The following ITGA11 variants were observed in gnomAD, a reference collection of about 807,000 sequenced individuals.
ITGA11 encodes the protein integrin alpha-11.
ITGA11 carries 97 observed loss-of-function variants against 141.9 expected under a neutral mutation model. The observed-to-expected ratio is 0.68, with a 90% CI of 0.58 to 0.81. ITGA11 has a LOEUF of 0.81. ITGA11 is among the 30% of genes least tolerant of loss of function. The pLI is 0.00. For synonymous variants in ITGA11, 658 were observed against 624.6 expected (o/e 1.05, Z -0.80); for missense variants, 1,387 against 1,559.2 (o/e 0.89, Z 1.86).
intron 2 of ITGA11, 63 bp downstream of exon 2, chr15:68,402,855 A>C: frequency 8.9e-7 from 1 of 1,124,554 alleles, no homozygotes. Context: ...GCACAGGGGC[A>C]GGATGGAGGG....
At chr15:68,405,568 A>G (rs1460022044) in intron 1 of ITGA11, among the ~76,000 whole-genome samples, 1 of 152,180 alleles carries the variant, frequency 6.6e-6, no homozygotes, top group Non-Finnish European at 1.5e-5. Flanking sequence ...CCCATGCCAT[A>G]AATGAACTTA....
chr15:68,402,613 C>T (rs376393132), intron 2 of ITGA11, among the ~76,000 whole-genome samples: 42 of 152,254 alleles, frequency 2.8e-4, no homozygotes, highest in African/African-American at 8.4e-4. Context: ...TAGACATGAC[C>T]AGGGGCTAAC....
intron 8 of ITGA11, among the ~76,000 whole-genome samples, chr15:68,350,987 G>A (rs1233099341): frequency 1.3e-5 from 2 of 152,326 alleles, no homozygotes; most frequent in East Asian, 3.9e-4. Context: ...GGGTCTGGGA[G>A]CTGGGAGGTT....
intron 1 of ITGA11, among the ~76,000 whole-genome samples, chr15:68,429,552 T>C (rs1392069032): frequency 6.6e-6 from 1 of 152,116 alleles, no homozygotes; most frequent in African/African-American, 2.4e-5. Context: ...TGCTCTGAGG[T>C]CTCACCCTCA....
Position 68,361,930 on chromosome 15 carries a change from C to T in ITGA11, c.358-226G>A, listed in dbSNP as rs148073016. ...TGGAGAAAAACTGATCTTGGAGTCT[C>T]TTTCATTGTTTTTTCAAGGCCCTGT... On this transcript the variant is annotated intron_variant, in intron 4 of 29. Transcript: ENST00000315757. 2.3e-3 allele frequency: 1,082 copies of T among 473,092 alleles called. 4 individuals carry two copies. Among genetic ancestry groups the T allele is most frequent in the Admixed American group, 4.0e-3 (110 of 27,642 alleles). The allele number at this position is 473,092 out of a possible 1,614,324, so 29.3% of individuals were successfully genotyped here.
rs1893045960 is a variant in ITGA11, at chr15:68,302,055, A to AGAGTGTGTGTGTGTGTGT, written c.*1003_*1004insACACACACACACACACTC. ...CGGGCATGAGGGAAGGATGGGAGGC[A>AGAGTGTGTGTGTGTGTGT]GTGTGTGTGTGTGTGTGTGTGTGTG... On this transcript the variant is annotated 3_prime_UTR_variant, in exon 30 of 30. Coordinates refer to ENST00000315757, the MANE Select transcript of ITGA11 (RefSeq NM_001004439.2). 1.9e-5 allele frequency: 2 copies of AGAGTGTGTGTGTGTGTGT among 103,808 alleles called. No homozygotes were observed. The highest frequency in any genetic ancestry group is 7.3e-5 in the African/African-American group (2 of 27,402). The allele number at this position is 103,808 out of a possible 1,614,324, so 6.4% of individuals were successfully genotyped here.
intron 10 of ITGA11, among the ~76,000 whole-genome samples, chr15:68,346,119 TG>T (rs1016390443): frequency 6.6e-6 from 1 of 151,762 alleles, no homozygotes; most frequent in Middle Eastern, 3.2e-3. Context: ...GTCGGGGTGA[TG>T]GAAGAACTAG....
chr15:68,389,970 G>A (rs11638575), intron 2 of ITGA11, among the ~76,000 whole-genome samples: 2 of 152,014 alleles, frequency 1.3e-5, no homozygotes, highest in Non-Finnish European at 2.9e-5. Flanking sequence ...TAAAACCCAC[G>A]GAATTAATAA....
intron 2 of ITGA11, among the ~76,000 whole-genome samples, chr15:68,377,752 T>C (rs75698896): frequency 0.012 from 1,802 of 152,322 alleles, 45 homozygotes; most frequent in African/African-American, 0.04. Context: ...TGTGGACATA[T>C]TTCTGTGTTA....
intron 1 of ITGA11, among the ~76,000 whole-genome samples, chr15:68,414,949 C>T (rs1348339897): frequency 6.6e-6 from 1 of 152,154 alleles, no homozygotes; most frequent in African/African-American, 2.4e-5. Context: ...ACCCTGATAC[C>T]CTCCTGTGCT....
chr15:68,369,312 A>G, intron 2 of ITGA11, 28 bp from the exon 3 acceptor site: 1 of 1,366,536 alleles, frequency 7.3e-7, no homozygotes, highest in Middle Eastern at 2.0e-4. Context: ...ATGAGCAAAG[A>G]CATTGGGGGA....
chr15:68,363,939 G>A (rs1278286651), intron 4 of ITGA11, among the ~76,000 whole-genome samples: 2 of 152,168 alleles, frequency 1.3e-5, no homozygotes, highest in Non-Finnish European at 2.9e-5. Context: ...GACATTACTC[G>A]TTTGCTTGTC....
intron 1 of ITGA11, among the ~76,000 whole-genome samples, chr15:68,425,277 A>G (rs1283788791): frequency 6.6e-6 from 1 of 152,230 alleles, no homozygotes. Flanking sequence ...AAGGCCCTGC[A>G]CTTGGTGAAT....
intron 9 of ITGA11, among the ~76,000 whole-genome samples, chr15:68,350,057 T>A (rs147035233): frequency 0.012 from 1,784 of 152,314 alleles, 21 homozygotes; most frequent in South Asian, 0.023. Context: ...GGCAGGTCAC[T>A]CAACTCCGTT....
At chr15:68,379,139 G>A (rs557285108) in intron 2 of ITGA11, among the ~76,000 whole-genome samples, 14 of 152,218 alleles carry the variant, frequency 9.2e-5, no homozygotes, top group South Asian at 6.2e-4. Flanking sequence ...AGTCACACGC[G>A]GCTGCTCGTC....
rs561306565 is a variant in ITGA11 at position 68,304,310 on chromosome 15, C to T, written c.3382-425G>A. ...GGTGAACTCAGGGCTGACTTTCCCA[C>T]GAGTCACAGTAGTCATGGTGCCAAG... On this transcript the variant is annotated intron_variant, in intron 28 of 29. Transcript: ENST00000315757. The surrounding 1 kb of genome is among the most constrained non-coding windows in gnomAD (Gnocchi z 6.1). Among the ~76,000 whole-genome samples the T allele has an allele frequency of 6.6e-6, 1 of 152,264 alleles. No individual in the cohort carries two copies. Among genetic ancestry groups the T allele is most frequent in the South Asian group, 2.1e-4 (1 of 4,832 alleles).
intron 1 of ITGA11, among the ~76,000 whole-genome samples, chr15:68,417,406 C>T (rs1279651607): frequency 6.6e-6 from 1 of 152,190 alleles, no homozygotes; most frequent in African/African-American, 2.4e-5. Context: ...GTGCCCACTC[C>T]TCTCTGTCTC....
chr15:68,319,266 T>C (rs955641737), intron 20 of ITGA11, among the ~76,000 whole-genome samples: 3 of 152,328 alleles, frequency 2.0e-5, no homozygotes, highest in African/African-American at 7.2e-5. Flanking sequence ...TTTCCTCCTC[T>C]GTAAAATGGG....
At chr15:68,381,770 G>C (rs1266789349) in intron 2 of ITGA11, among the ~76,000 whole-genome samples, 1 of 152,200 alleles carries the variant, frequency 6.6e-6, no homozygotes, top group African/African-American at 2.4e-5. Context: ...TGGCCAGGCT[G>C]GTCTTGAACT....
Sources: gnomAD v4.1 joint callset for allele counts (sites outside exome capture counted in the v4.1 genomes callset) on GRCh38, gnomAD v4.1.1 for gene constraint, Gnocchi (gnomAD v3.1) non-coding constraint, MANE v1.5 for transcripts, NCBI Gene and HGNC (gene_info 2026-07-23, HGNC 2026-07-21) for gene names.